The following THSD4 variants were observed in gnomAD, a reference collection of about 807,000 sequenced individuals.
The protein encoded by THSD4 is thrombospondin type 1 domain containing 4, also known as thrombospondin type-1 domain-containing protein 4.
Under a neutral mutation model 119.0 loss-of-function variants are expected in THSD4, and 69 were observed. The ratio of observed to expected loss-of-function variants is 0.58; its 90% CI spans 0.48 to 0.71. The LOEUF is 0.71. Ranked by LOEUF, THSD4 falls within the 30% of genes least tolerant of loss-of-function variation. THSD4 has a pLI of 0.00. For missense variants in THSD4, 1,393 were observed against 1,391.1 expected, an observed-to-expected ratio of 1.00 and a Z score of -0.02; for synonymous variants, 524 against 540.4, an observed-to-expected ratio of 0.97 and a Z score of 0.42.
chr15:71,336,598 C>G (rs898896345), intron 6 of THSD4, among the ~76,000 whole-genome samples: 5 of 152,190 alleles, frequency 3.3e-5, no homozygotes, highest in Non-Finnish European at 5.9e-5. Context: ...GTTCAAATCA[C>G]TGAATTAGAC....
Position 71,403,666 on chromosome 15 carries a change from A to G in THSD4, c.1016-8021A>G, listed in dbSNP as rs77862749. On this transcript the variant is annotated intron_variant, in intron 6 of 17. Transcript: ENST00000261862. ...GCAGTGAGCAACCTTGAGGGGTAAG[A>G]TAAGTCTCCTTTCGGGACAAATAGT... 9.3e-3 allele frequency among the ~76,000 whole-genome samples: 1,409 copies of G among 152,322 alleles called. 21 individuals carry two copies. Among genetic ancestry groups the G allele is most frequent in the African/African-American group, 0.032 (1,340 of 41,576 alleles).
intron 6 of THSD4, among the ~76,000 whole-genome samples, chr15:71,401,495 G>A (rs1257837112): frequency 6.6e-6 from 1 of 152,022 alleles, no homozygotes; most frequent in Non-Finnish European, 1.5e-5. Context: ...AACCATTTTA[G>A]CTGTTCTTTT....
chr15:71,162,220 G>T (rs1284845750), intron 3 of THSD4, among the ~76,000 whole-genome samples: 2 of 151,898 alleles, frequency 1.3e-5, no homozygotes, highest in African/African-American at 4.8e-5. Context: ...ACCCAGACTG[G>T]TTTTGTATTT....
chr15:71,507,256 T>G (rs2048204726), intron 7 of THSD4, among the ~76,000 whole-genome samples: 2 of 152,186 alleles, frequency 1.3e-5, no homozygotes, highest in Non-Finnish European at 2.9e-5. Flanking sequence ...GCCACTTTTT[T>G]GATGTTGTAT....
chr15:71,434,434 C>CTTTTTT (rs34097873), intron 7 of THSD4, among the ~76,000 whole-genome samples: 2 of 82,584 alleles, frequency 2.4e-5, no homozygotes, highest in Non-Finnish European at 4.4e-5. Flanking sequence ...TCAGTGGTCC[C>CTTTTTT]TTTTTTTTTT....
rs553054361 is a variant in THSD4 at position 71,355,856 on chromosome 15, G to A, written c.1016-55831G>A. Among the ~76,000 whole-genome samples, 896 of 120,756 alleles carry A rather than the reference G, an allele frequency of 7.4e-3. 5 individuals carry two copies. The highest frequency in any genetic ancestry group is 0.025 in the Middle Eastern group (6 of 244). 79.2% of individuals were successfully genotyped at this position (120,756 alleles called of 152,430 possible). On this transcript the variant is annotated intron_variant, in intron 6 of 17. Transcript: ENST00000261862. ...CTCTTTTCCAAGTGTTCTAATTTAG[G>A]TTTTTCTTATTTTATTTTATTTTAT...
In THSD4 at chr15:71,242,822, C is replaced by T; in HGVS notation, c.638C>T (p.Ser213Leu). 6.2e-7 allele frequency: 1 copy of T among 1,614,228 alleles called. No individual in the cohort carries two copies. The highest frequency in any genetic ancestry group is 1.1e-5 in the South Asian group (1 of 91,080). Residue 213 changes from serine (S) to leucine (L), a missense_variant, in exon 5 of 18, where the codon TCA (serine) becomes TTA (leucine). Physicochemically the swap from Ser to Leu is moderately radical, Grantham distance 145 (BLOSUM62 -2). Coordinates refer to ENST00000261862, the MANE Select transcript of THSD4 (RefSeq NM_024817.3). The stretch of plus-strand genomic sequence containing the variant: ...TCTTCTGCTAGGCATGGCTACAGTT[C>T]ACCAGCCCACCAGGTCCCCCAACAT... ...GASSARHGYS[S>L]PAHQVPQHGP...
chr15:71,530,535 C>A (rs879802935), intron 7 of THSD4, among the ~76,000 whole-genome samples: 1 of 152,024 alleles, frequency 6.6e-6, no homozygotes, highest in Non-Finnish European at 1.5e-5. Flanking sequence ...TATGACATGC[C>A]CACGTATTTA....
intron 15 of THSD4, among the ~76,000 whole-genome samples, chr15:71,761,124 C>T (rs998481735): frequency 1.3e-5 from 2 of 152,006 alleles, no homozygotes; most frequent in Admixed American, 1.3e-4. Context: ...TTTCTATTTT[C>T]ATGCTTTCTT....
At chr15:71,388,920 G>C (rs2046330978) in intron 6 of THSD4, among the ~76,000 whole-genome samples, 1 of 152,066 alleles carries the variant, frequency 6.6e-6, no homozygotes, top group Non-Finnish European at 1.5e-5. Context: ...TCATGGGGGT[G>C]GTTCCCCCAT....
chr15:71,455,376 G>A (rs778051313), intron 7 of THSD4, among the ~76,000 whole-genome samples: 4 of 152,098 alleles, frequency 2.6e-5, no homozygotes, highest in East Asian at 1.9e-4. Flanking sequence ...TATAATTTTC[G>A]CTTTGACTGT....
chr15:71,157,079 T>G (rs1298629915), intron 3 of THSD4, among the ~76,000 whole-genome samples: 3 of 152,198 alleles, frequency 2.0e-5, no homozygotes. Flanking sequence ...ATCCTAAGAG[T>G]TGAGTCAATT....
At chr15:71,680,006 G>A (rs904498649) in intron 8 of THSD4, among the ~76,000 whole-genome samples, 3 of 152,170 alleles carry the variant, frequency 2.0e-5, no homozygotes, top group Admixed American at 6.5e-5. Context: ...ATAGAAGAAC[G>A]TAATACACAC....
chr15:71,751,735 A>T (rs1438253235), intron 14 of THSD4, among the ~76,000 whole-genome samples: 15 of 152,122 alleles, frequency 9.9e-5, no homozygotes, highest in Middle Eastern at 3.4e-3. Flanking sequence ...TGGCACAATC[A>T]TGGCTCACTG....
At chr15:71,221,361 A>G (rs997186442) in intron 4 of THSD4, among the ~76,000 whole-genome samples, 1 of 152,190 alleles carries the variant, frequency 6.6e-6, no homozygotes, top group African/African-American at 2.4e-5. Context: ...TTACGCTACC[A>G]TCACCACCAT....
chr15:71,398,685 C>T (rs1019465188), intron 6 of THSD4, among the ~76,000 whole-genome samples: 1 of 152,036 alleles, frequency 6.6e-6, no homozygotes, highest in Non-Finnish European at 1.5e-5. Flanking sequence ...ATTGGCAACC[C>T]AGCAGAAGAT....
intron 7 of THSD4, among the ~76,000 whole-genome samples, chr15:71,581,242 GTAGT>G (rs2049552465): frequency 6.6e-6 from 1 of 152,084 alleles, no homozygotes; most frequent in Non-Finnish European, 1.5e-5. Context: ...TCTTTTGGCA[GTAGT>G]TATTCTAACA....
intron 17 of THSD4, among the ~76,000 whole-genome samples, chr15:71,771,642 C>A (rs1372927887): frequency 2.0e-5 from 3 of 152,056 alleles, no homozygotes; most frequent in Non-Finnish European, 4.4e-5. Context: ...GAGGGTCTGA[C>A]CATCTCTCAG....
intron 6 of THSD4, among the ~76,000 whole-genome samples, chr15:71,373,956 C>T (rs1318253747): frequency 2.0e-5 from 3 of 152,182 alleles, no homozygotes; most frequent in African/African-American, 7.2e-5. Context: ...GTTGTAAAGT[C>T]ACTAGGACAA....
Sources: allele counts gnomAD v4.1 joint callset (sites outside exome capture counted in the v4.1 genomes callset), GRCh38; gene constraint gnomAD v4.1.1; transcripts MANE v1.5; gene names NCBI Gene and HGNC (gene_info 2026-07-23, HGNC 2026-07-21).